EXOC4: variants seen among roughly 807,000 people sequenced by gnomAD.
EXOC4 encodes the protein SEC8-like 1.
Under a neutral mutation model 107.2 loss-of-function variants are expected in EXOC4, and 71 were observed. That is an observed-to-expected ratio of 0.66 (90% confidence interval 0.55 to 0.81). The LOEUF (loss-of-function observed/expected upper bound fraction) is 0.81. EXOC4 is among the 30% of genes least tolerant of loss of function. The probability of loss-of-function intolerance (pLI) is 0.00; values close to 1 mark genes in which losing one functional copy is unlikely to be tolerated. For missense variants in EXOC4, 1,108 were observed against 1,189.6 expected (o/e 0.93, Z 1.01); for synonymous variants, 456 against 441.2 (o/e 1.03, Z -0.42).
intron 10 of EXOC4, among the ~76,000 whole-genome samples, chr7:133,719,248 T>C (rs986381254): frequency 1.3e-5 from 2 of 152,146 alleles, no homozygotes; most frequent in African/African-American, 4.8e-5. Context: ...CCTTCCACCA[T>C]GGTTGTGAGA....
chr7:133,837,369 C>T (rs141277967), intron 11 of EXOC4, among the ~76,000 whole-genome samples: 79 of 152,248 alleles, frequency 5.2e-4, no homozygotes, highest in Middle Eastern at 3.4e-3. Context: ...TCTCCTAGCT[C>T]TAACATTTGG....
intron 9 of EXOC4, among the ~76,000 whole-genome samples, chr7:133,545,527 T>A (rs1209258048): frequency 6.6e-6 from 1 of 152,208 alleles, no homozygotes; most frequent in Admixed American, 6.5e-5. Context: ...TTTTTCTTAT[T>A]TCTTCCTACA....
Position 133,717,261 on chromosome 7 carries a change from A to G in EXOC4, c.1514+87120A>G, listed in dbSNP as rs549845974. ...ATAACTTGTGGGAGAACTTTCGATC[A>G]TAAAGTGAGCTTTATAATTTTATCA... On this transcript the variant is annotated intron_variant, in intron 10 of 17. Coordinates refer to ENST00000253861, the MANE Select transcript of EXOC4 (RefSeq NM_021807.4). Among the ~76,000 whole-genome samples the G allele has an allele frequency of 4.5e-4, 69 of 152,376 alleles. 1 individual carries two copies. Among genetic ancestry groups the G allele is most frequent in the African/African-American group, 1.5e-3 (62 of 41,594 alleles).
intron 4 of EXOC4, among the ~76,000 whole-genome samples, chr7:133,308,913 T>C (rs776893068): frequency 2.0e-5 from 3 of 152,218 alleles, no homozygotes; most frequent in Non-Finnish European, 4.4e-5. Context: ...AAGGCTGCAT[T>C]TTCCATCTTC....
intron 13 of EXOC4, among the ~76,000 whole-genome samples, chr7:133,919,748 G>A (rs891089092): frequency 6.6e-6 from 1 of 151,830 alleles, no homozygotes; most frequent in Admixed American, 6.6e-5. Flanking sequence ...TCTGAATTAT[G>A]TTCCATTTCA....
intron 9 of EXOC4, among the ~76,000 whole-genome samples, chr7:133,573,153 T>G (rs1290734524): frequency 6.6e-6 from 1 of 152,218 alleles, no homozygotes; most frequent in Non-Finnish European, 1.5e-5. Flanking sequence ...GTTAATATGT[T>G]TCTGTGGAGT....
the EXOC4 span, among the ~76,000 whole-genome samples, chr7:134,074,941 GGAGCTA>G: frequency 2.0e-5 from 3 of 152,174 alleles, no homozygotes; most frequent in Non-Finnish European, 2.9e-5. Flanking sequence ...AAAAACAAGT[GGAGCTA>G]GAGAATCAAT....
intron 11 of EXOC4, among the ~76,000 whole-genome samples, chr7:133,833,729 A>T (rs1797859521): frequency 6.6e-6 from 1 of 151,956 alleles, no homozygotes; most frequent in Admixed American, 6.6e-5. Flanking sequence ...CACCCACCTA[A>T]TTTTTTTGTA....
chr7:133,724,936 A>T (rs1795183917), intron 10 of EXOC4, among the ~76,000 whole-genome samples: 1 of 152,212 alleles, frequency 6.6e-6, no homozygotes, highest in African/African-American at 2.4e-5. Context: ...ATGAAGGGTG[A>T]TCACATCATA....
At chr7:133,628,716 G>A (rs1585041703) in intron 9 of EXOC4, among the ~76,000 whole-genome samples, 1 of 152,188 alleles carries the variant, frequency 6.6e-6, no homozygotes, top group East Asian at 1.9e-4. Flanking sequence ...CACCCACACA[G>A]TGTGTGTGAG....
At chr7:133,376,532 G>T (rs964187499) in intron 7 of EXOC4, among the ~76,000 whole-genome samples, 1 of 152,184 alleles carries the variant, frequency 6.6e-6, no homozygotes, top group Non-Finnish European at 1.5e-5. Flanking sequence ...TGAGAAAAAA[G>T]AACACACTAG....
intron 17 of EXOC4, among the ~76,000 whole-genome samples, chr7:134,046,088 A>T (rs1312733864): frequency 7.2e-5 from 11 of 152,196 alleles, no homozygotes. Flanking sequence ...TATGGCATAC[A>T]CACAGTAAAC....
At chr7:133,694,524 G>A (rs965544677) in intron 10 of EXOC4, among the ~76,000 whole-genome samples, 1 of 152,082 alleles carries the variant, frequency 6.6e-6, no homozygotes, top group Non-Finnish European at 1.5e-5. Context: ...TCTACCTTTG[G>A]TCTAACAGTA....
chr7:133,767,684 C>G lies in EXOC4; in HGVS notation c.1515-49641C>G, dbSNP rs988925153. ...TGTGAAACAGAGAAAGGGGTAACTG[C>G]TGTCCATGAAATACAAGGTCCTTTT... On this transcript the variant is annotated intron_variant, in intron 10 of 17. Transcript: ENST00000253861. Among the ~76,000 whole-genome samples the G allele has an allele frequency of 8.5e-5, 13 of 152,064 alleles. No individual in the cohort carries two copies. In the South Asian group the frequency reaches 2.7e-3, roughly 32 times the overall value.
chr7:133,976,392 C>T (rs937739698), intron 14 of EXOC4, among the ~76,000 whole-genome samples: 2 of 152,126 alleles, frequency 1.3e-5, no homozygotes, highest in African/African-American at 4.8e-5. Context: ...AGAACTTAAA[C>T]AGATCAAATC....
At chr7:134,091,728 G>A in the EXOC4 span, among the ~76,000 whole-genome samples, 1 of 152,146 alleles carries the variant, frequency 6.6e-6, no homozygotes, top group East Asian at 1.9e-4. Context: ...TATAAGCAGA[G>A]TAAAGTCTGC....
intron 11 of EXOC4, among the ~76,000 whole-genome samples, chr7:133,826,602 T>C (rs1797708629): frequency 6.6e-6 from 1 of 152,180 alleles, no homozygotes; most frequent in Non-Finnish European, 1.5e-5. Context: ...ATCTGTTTCA[T>C]AATTATTATT....
At chr7:133,770,666 C>CA (rs371688679) in intron 10 of EXOC4, among the ~76,000 whole-genome samples, 1 of 151,854 alleles carries the variant, frequency 6.6e-6, no homozygotes, top group African/African-American at 2.4e-5. Context: ...GGGAAACTTA[C>CA]AAATTGTACA....
At chr7:133,850,298 C>G (rs1308733632) in intron 11 of EXOC4, among the ~76,000 whole-genome samples, 2 of 152,160 alleles carry the variant, frequency 1.3e-5, no homozygotes, top group African/African-American at 4.8e-5. Context: ...TTCTCTCCCT[C>G]TAGTATAGGC....
Sources: gnomAD v4.1 joint callset for allele counts (sites outside exome capture counted in the v4.1 genomes callset) on GRCh38, gnomAD v4.1.1 for gene constraint, MANE v1.5 for transcripts, NCBI Gene and HGNC (gene_info 2026-07-23, HGNC 2026-07-21) for gene names.